FILIP1: variants seen among roughly 807,000 people sequenced by gnomAD.
FILIP1 encodes filamin A interacting protein 1.
FILIP1 carries 61 observed loss-of-function variants against 102.1 expected under a neutral mutation model. The observed-to-expected ratio is 0.60, with a 90% CI of 0.49 to 0.74. The LOEUF is 0.74. Among genes scored for constraint, FILIP1 ranks in the 30% least tolerant of loss-of-function variants. FILIP1 has a pLI of 0.00. For synonymous variants in FILIP1, 491 were observed against 526.9 expected, an observed-to-expected ratio of 0.93 and a Z score of 0.93; for missense variants, 1,314 against 1,441.2, an observed-to-expected ratio of 0.91 and a Z score of 1.43.
At chr6:75,336,500 C>A (rs1182041459) in intron 4 of FILIP1, among the ~76,000 whole-genome samples, 3 of 151,408 alleles carry the variant, frequency 2.0e-5, no homozygotes, top group African/African-American at 7.3e-5. Context: ...GCAACATAAA[C>A]CCATGTGAAA....
chr6:75,463,505 A>C (rs1779083820), intron 1 of FILIP1, among the ~76,000 whole-genome samples: 1 of 152,214 alleles, frequency 6.6e-6, no homozygotes, highest in Non-Finnish European at 1.5e-5. Flanking sequence ...TAAGAAAGCA[A>C]ATCAGCTGAA....
intron 1 of FILIP1, among the ~76,000 whole-genome samples, chr6:75,472,469 A>G (rs2149766010): frequency 6.6e-6 from 1 of 152,250 alleles, no homozygotes; most frequent in East Asian, 1.9e-4. Flanking sequence ...TTTTTTAAAA[A>G]TTTTGATTCC....
At chr6:75,442,338 T>C (rs976171239) in intron 1 of FILIP1, among the ~76,000 whole-genome samples, 2 of 152,024 alleles carry the variant, frequency 1.3e-5, no homozygotes, top group Non-Finnish European at 1.5e-5. Flanking sequence ...CGCTCCTCAC[T>C]TCCCAGACGG....
intron 4 of FILIP1, among the ~76,000 whole-genome samples, chr6:75,348,737 C>A (rs1774681853): frequency 6.6e-6 from 1 of 152,204 alleles, no homozygotes; most frequent in Non-Finnish European, 1.5e-5. Context: ...GTGATAACTA[C>A]CCCAAATAGA....
chr6:75,319,588 T>G (rs1773571424), intron 4 of FILIP1: 3 of 479,252 alleles, frequency 6.3e-6, no homozygotes, highest in Non-Finnish European at 1.2e-5. Context: ...CCCAGCACTT[T>G]GGGAGGCCGA....
intron 3 of FILIP1, chr6:75,358,198 A>G (rs1398501715): frequency 6.6e-6 from 1 of 152,212 alleles, no homozygotes; most frequent in Admixed American, 6.5e-5. Context: ...GGCATGATTC[A>G]GGAAGTGTTT....
chr6:75,340,886 T>G (rs9343282), intron 4 of FILIP1, among the ~76,000 whole-genome samples: 1 of 45,230 alleles, frequency 2.2e-5, no homozygotes, highest in Non-Finnish European at 4.4e-5. Context: ...TTTTTTTTTG[T>G]AAAGACGGTG....
chr6:75,295,813 T>C (rs1772651506), exon 7 of FILIP1: 7 of 711,444 alleles, frequency 9.8e-6, no homozygotes, highest in Non-Finnish European at 1.4e-5. Flanking sequence ...CCAGTAGTGA[T>C]CAGTAGCATG....
chr6:75,362,875 T>C lies in FILIP1; in HGVS notation c.319A>G (p.Lys107Glu). Residue 107 changes from lysine (K) to glutamate (E), a missense_variant, in exon 3 of 6, where the codon AAG (lysine) becomes GAG (glutamate). By Grantham distance (56) the Lys-to-Glu change is moderately conservative. This residue lies in a region of FILIP1 where 494 missense variants were observed against 511.2 expected (regional missense o/e 0.97). Coordinates refer to ENST00000237172, the MANE Select transcript of FILIP1 (RefSeq NM_015687.5). ...TAATGAGCCTCCAGAACCTCAGGCT[T>C]GGTTTTCTCTGTCTTCAGCATGTGG... ...VIHMLKTEKT[K>E]PEVLEAHYGS... 1 of 1,614,016 alleles carries C rather than the reference T, an allele frequency of 6.2e-7. No homozygotes were observed. The highest frequency in any genetic ancestry group is 8.5e-7 in the Non-Finnish European group (1 of 1,180,012).
chr6:75,361,478 T>C (rs1193172974), intron 3 of FILIP1, among the ~76,000 whole-genome samples: 3 of 152,208 alleles, frequency 2.0e-5, no homozygotes, highest in Non-Finnish European at 2.9e-5. Context: ...ATTATCATAT[T>C]AAACAAATAC....
Position 75,313,571 on chromosome 6 carries a change from C to A in FILIP1, c.2261G>T (p.Arg754Ile). 6.2e-7 allele frequency: 1 copy of A among 1,614,110 alleles called. No homozygotes were observed. Among genetic ancestry groups the A allele is most frequent in the Non-Finnish European group, 8.5e-7 (1 of 1,180,002 alleles). ...GTTCTTATTTTCTTCTTCCATAAAT[C>A]TTTGTTGAAGTACAGAATAATCTAC... ...LQVDYSVLQQRFMEEENKNKN... is the reference protein window; with the variant it reads ...LQVDYSVLQQIFMEEENKNKN... Residue 754 changes from arginine (R) to isoleucine (I), a missense_variant, in exon 5 of 6, where the codon AGA becomes ATA. Coordinates refer to ENST00000237172, the MANE Select transcript of FILIP1 (RefSeq NM_015687.5). The surrounding 1 kb of genome is among the most constrained non-coding windows in gnomAD (Gnocchi z 4.2).
chr6:75,314,262 T>C lies in FILIP1; in HGVS notation c.1570A>G (p.Arg524Gly). The change falls in exon 5 of 6, where the codon AGA (arginine) becomes GGA (glycine). Residue 524 changes from arginine (R) to glycine (G), a missense_variant. Physicochemically the swap from Arg to Gly is moderately radical, Grantham distance 125. Around this residue, in one of 3 missense-constraint regions of FILIP1, gnomAD observed 816 missense variants for 913.1 expected, o/e 0.89. Coordinates refer to ENST00000237172, the MANE Select transcript of FILIP1 (RefSeq NM_015687.5). The stretch of plus-strand genomic sequence containing the variant: ...TTTTTATTGAGTCCATCCACTTTTC[T>C]CTCTTCTTGTTTTATTTTTTCCATC... ...NMMEKIKQEE[R>G]KVDGLNKNFK... is the part of the protein sequence containing the mutation. The C allele has an allele frequency of 6.4e-7, 1 of 1,554,878 alleles. No individual in the cohort carries two copies. The highest frequency in any genetic ancestry group is 8.6e-7 in the Non-Finnish European group (1 of 1,162,112).
At chr6:75,396,959 G>C (rs752791468) in intron 2 of FILIP1, among the ~76,000 whole-genome samples, 1 of 142,854 alleles carries the variant, frequency 7.0e-6, no homozygotes, top group Non-Finnish European at 1.5e-5. Flanking sequence ...GGTGGGAATT[G>C]AGCAACGAAA....
intron 2 of FILIP1, among the ~76,000 whole-genome samples, chr6:75,385,167 C>T (rs1258715149): frequency 6.6e-6 from 1 of 152,028 alleles, no homozygotes; most frequent in Non-Finnish European, 1.5e-5. Context: ...AGGAATACAA[C>T]TAATTGGTTC....
intron 1 of FILIP1, chr6:75,465,131 G>T: frequency 6.0e-6 from 1 of 166,344 alleles, no homozygotes; most frequent in South Asian, 1.5e-4. Context: ...AACACAAAAT[G>T]GCAGCTACCA....
At chr6:75,389,569 A>T (rs1372392297) in intron 2 of FILIP1, among the ~76,000 whole-genome samples, 2 of 152,148 alleles carry the variant, frequency 1.3e-5, no homozygotes, top group East Asian at 1.9e-4. Context: ...TGGTCTATTC[A>T]GGGATTCGAC....
intron 1 of FILIP1, among the ~76,000 whole-genome samples, chr6:75,449,768 T>C (rs1229934134): frequency 1.3e-5 from 2 of 152,166 alleles, no homozygotes; most frequent in African/African-American, 4.8e-5. Context: ...TTAACTATCT[T>C]AAAGTCTAAG....
chr6:75,486,504 C>T (rs1245310805), intron 1 of FILIP1, among the ~76,000 whole-genome samples: 1 of 152,120 alleles, frequency 6.6e-6, no homozygotes, highest in Non-Finnish European at 1.5e-5. Context: ...GCAGCTGTTA[C>T]CTTGCAGTGT....
chr6:75,488,254 T>C (rs965363269), intron 1 of FILIP1, among the ~76,000 whole-genome samples: 1 of 152,188 alleles, frequency 6.6e-6, no homozygotes, highest in Admixed American at 6.6e-5. Context: ...TCTCAAGTTC[T>C]GCAATCAGCT....
Sources: allele counts gnomAD v4.1 joint callset (sites outside exome capture counted in the v4.1 genomes callset), GRCh38; gene constraint gnomAD v4.1.1; regional missense constraint gnomAD v4.1.1; non-coding constraint Gnocchi (gnomAD v3.1); transcripts MANE v1.5; gene names NCBI Gene and HGNC (gene_info 2026-07-23, HGNC 2026-07-21).